Variants in ELMO1 observed in about 807,000 individuals in gnomAD.
The protein encoded by ELMO1 is engulfment and cell motility 1.
Under a neutral mutation model 98.9 loss-of-function variants are expected in ELMO1, and 26 were observed. The observed-to-expected ratio is 0.26, with a 90% CI of 0.19 to 0.36. The LOEUF is 0.36. ELMO1 is among the 10% of genes least tolerant of loss of function. The pLI, the probability that ELMO1 is intolerant of heterozygous loss-of-function variation, is 1.00. For missense variants in ELMO1, 627 were observed against 935.2 expected, an observed-to-expected ratio of 0.67 and a Z score of 4.30; for synonymous variants, 346 against 346.0, an observed-to-expected ratio of 1.00 and a Z score of 0.00.
At chr7:37,198,540 C>A (rs1229776245) in intron 13 of ELMO1, among the ~76,000 whole-genome samples, 1 of 152,246 alleles carries the variant, frequency 6.6e-6, no homozygotes, top group Non-Finnish European at 1.5e-5. Context: ...TTCAAGATCA[C>A]ACAGCTAATG....
At chr7:37,397,548 C>A (rs1298034149) in intron 1 of ELMO1, among the ~76,000 whole-genome samples, 4 of 152,218 alleles carry the variant, frequency 2.6e-5, no homozygotes, top group African/African-American at 9.6e-5. Context: ...CTTTGGGCAG[C>A]ATCACCTCTG....
At chr7:36,914,961 T>C (rs1273655393) in intron 16 of ELMO1, among the ~76,000 whole-genome samples, 1 of 151,608 alleles carries the variant, frequency 6.6e-6, no homozygotes, top group Non-Finnish European at 1.5e-5. Context: ...AGCAGTTTTT[T>C]GTTTGTTTAA....
intron 21 of ELMO1, among the ~76,000 whole-genome samples, chr7:36,860,376 A>C (rs985667830): frequency 6.6e-6 from 1 of 152,206 alleles, no homozygotes; most frequent in South Asian, 2.1e-4. Flanking sequence ...CTGTAATAGA[A>C]CTTTCTATTG....
At chr7:36,861,068 A>G (rs1562777069) in intron 21 of ELMO1, among the ~76,000 whole-genome samples, 1 of 152,262 alleles carries the variant, frequency 6.6e-6, no homozygotes, top group Non-Finnish European at 1.5e-5. Context: ...AGAAAGTTAA[A>G]TCAGCCATAA....
intron 14 of ELMO1, among the ~76,000 whole-genome samples, chr7:37,098,588 G>C (rs1020838717): frequency 1.3e-5 from 2 of 152,174 alleles, no homozygotes; most frequent in Non-Finnish European, 2.9e-5. Context: ...TGGGCAGTGG[G>C]CTGGCCTCCC....
At chr7:37,123,623 T>C (rs957585430) in intron 14 of ELMO1, among the ~76,000 whole-genome samples, 1 of 152,078 alleles carries the variant, frequency 6.6e-6, no homozygotes, top group Non-Finnish European at 1.5e-5. Context: ...AATAACAGGC[T>C]CTGAAATTGA....
chr7:37,196,363 A>G (rs1791963463), intron 13 of ELMO1, among the ~76,000 whole-genome samples: 1 of 152,182 alleles, frequency 6.6e-6, no homozygotes, highest in South Asian at 2.1e-4. Context: ...TCCCTGGAAA[A>G]CTGGAAGCAC....
intron 13 of ELMO1, among the ~76,000 whole-genome samples, chr7:37,148,143 A>T (rs1788118754): frequency 6.6e-6 from 1 of 152,202 alleles, no homozygotes; most frequent in South Asian, 2.1e-4. Context: ...TCATCACACA[A>T]TTTTGGACGT....
chr7:36,926,424 G>C (rs1257752117), intron 16 of ELMO1, among the ~76,000 whole-genome samples: 1 of 152,036 alleles, frequency 6.6e-6, no homozygotes, highest in African/African-American at 2.4e-5. Context: ...TTTTTTCTTT[G>C]TTCTTCAGTA....
Position 37,253,720 on chromosome 7 carries a change from T to TAA in ELMO1, c.413+5459_413+5460dup, listed in dbSNP as rs36042026. Among the ~76,000 whole-genome samples the TAA allele has an allele frequency of 4.9e-3, 582 of 117,878 alleles. 1 individual carries two copies. The highest frequency in any genetic ancestry group is 0.016 in the Middle Eastern group (4 of 252). 77.3% of individuals were successfully genotyped at this position (117,878 alleles called of 152,430 possible). ...TGCACATGTATCCAAGAACTTAAAG[T>TAA]AAAAAAAAAAAAAAAACAAAAAGCC... On this transcript the variant is annotated intron_variant, in intron 6 of 21. Transcript: ENST00000310758.
rs557955487 is a variant in ELMO1, at chr7:37,419,276, A to AT, written c.-74+29398dup. On this transcript the variant is annotated intron_variant, in intron 1 of 21. Coordinates refer to ENST00000310758, the MANE Select transcript of ELMO1 (RefSeq NM_014800.11). ...CTATGATAATTGAGAAGAAAGTAGT[A>AT]TTTTTTACCTTTGTTAGAGTACTTG... Among the ~76,000 whole-genome samples, 588 of 152,300 alleles carry AT rather than the reference A, an allele frequency of 3.9e-3. 4 individuals carry two copies. Among genetic ancestry groups the AT allele is most frequent in the African/African-American group, 7.6e-3 (314 of 41,560 alleles).
rs184852919 is a variant in ELMO1, at chr7:37,166,859, T to C, written c.1087-33625A>G. On this transcript the variant is annotated intron_variant, in intron 13 of 21. Transcript: ENST00000310758. ...TCTGTAGATGTCTATTAGGTCTGCT[T>C]GGTGGAGAGCTGAGTTCAATTCCTG... Among the ~76,000 whole-genome samples the C allele has an allele frequency of 4.5e-3, 681 of 152,266 alleles. 4 individuals are homozygous for C. The highest frequency in any genetic ancestry group is 7.0e-3 in the Non-Finnish European group (474 of 68,022).
At position 37,402,508 on chromosome 7, in the gene ELMO1, C is replaced by T. The variant is rs1803579569; in HGVS notation, c.-74+46167G>A. Among the ~76,000 whole-genome samples, 4 of 152,138 alleles carry T rather than the reference C, an allele frequency of 2.6e-5. No individual in the cohort carries two copies. In the South Asian group the frequency reaches 8.3e-4, roughly 32 times the overall value. The stretch of plus-strand genomic sequence containing the variant: ...TTCCTAAGTGTTTGGGAACTTGATG[C>T]CTGGTGCTACAGCCGCCATCTTAAG... On this transcript the variant is annotated intron_variant, in intron 1 of 21. Transcript: ENST00000310758.
At chr7:37,079,620 G>C (rs1797758597) in intron 15 of ELMO1, among the ~76,000 whole-genome samples, 1 of 152,048 alleles carries the variant, frequency 6.6e-6, no homozygotes, top group African/African-American at 2.4e-5. Context: ...TCTTGTTCAG[G>C]TCACCCTGAC....
intron 13 of ELMO1, among the ~76,000 whole-genome samples, chr7:37,202,374 A>C (rs1336369020): frequency 6.6e-6 from 1 of 152,212 alleles, no homozygotes; most frequent in Non-Finnish European, 1.5e-5. Context: ...CAATTCCCAT[A>C]AATGTATTCT....
At chr7:36,868,326 G>GCTTCTT (rs201784212) in intron 20 of ELMO1, among the ~76,000 whole-genome samples, 130 of 138,038 alleles carry the variant, frequency 9.4e-4, no homozygotes, top group East Asian at 2.5e-3. Context: ...GCTTTGTTCT[G>GCTTCTT]CTTCTTCTTC....
intron 2 of ELMO1, among the ~76,000 whole-genome samples, chr7:37,333,983 G>A (rs1040742613): frequency 6.6e-5 from 10 of 152,320 alleles, no homozygotes; most frequent in African/African-American, 2.2e-4. Context: ...GGGAGCCAAA[G>A]GTAGCTCCTG....
chr7:37,057,105 C>T (rs1796426971), intron 15 of ELMO1, among the ~76,000 whole-genome samples: 1 of 151,930 alleles, frequency 6.6e-6, no homozygotes, highest in Non-Finnish European at 1.5e-5. Context: ...TAAATGAAAA[C>T]AAACATGTAA....
At chr7:37,301,023 C>T (rs578025276) in intron 4 of ELMO1, among the ~76,000 whole-genome samples, 8 of 151,776 alleles carry the variant, frequency 5.3e-5, no homozygotes, top group Non-Finnish European at 1.2e-4. Context: ...AGGAATTTAT[C>T]CATTTCTTCT....
Sources: allele counts gnomAD v4.1 joint callset (sites outside exome capture counted in the v4.1 genomes callset), GRCh38; gene constraint gnomAD v4.1.1; transcripts MANE v1.5; gene names NCBI Gene and HGNC (gene_info 2026-07-23, HGNC 2026-07-21).